The following PRP4K variants were observed in gnomAD, a reference collection of about 807,000 sequenced individuals.
PRP4K encodes pre-mRNA processing factor kinase PRP4K.
At chr6:4,027,478 CT>C in the PRP4K span, among the ~76,000 whole-genome samples, 1 of 151,936 alleles carries the variant, frequency 6.6e-6, no homozygotes, top group Non-Finnish European at 1.5e-5. Context: ...AATCTATGCT[CT>C]TTGATGCTGT....
chr6:4,060,499 A>G, the PRP4K span: 13 of 1,613,916 alleles, frequency 8.1e-6, no homozygotes, highest in Admixed American at 3.3e-5. This position sits in a 1 kb window ranked among gnomAD's most constrained non-coding sequence, Gnocchi z 4.7. Flanking sequence ...CTGAAGACCA[A>G]CGTAAGAAAG....
At chr6:4,037,428 C>G in the PRP4K span, 1 of 1,613,630 alleles carries the variant, frequency 6.2e-7, no homozygotes, top group South Asian at 1.1e-5. Context: ...CCTCAGTAGA[C>G]GTGAAAGATC....
chr6:4,046,384 G>A, the PRP4K span, among the ~76,000 whole-genome samples: 3 of 152,090 alleles, frequency 2.0e-5, no homozygotes, highest in Non-Finnish European at 4.4e-5. Context: ...TAATGTAAGT[G>A]ATAATGAGCA....
At chr6:4,047,900 G>GTA in the PRP4K span, among the ~76,000 whole-genome samples, 12 of 82,678 alleles carry the variant, frequency 1.5e-4, no homozygotes, top group African/African-American at 5.2e-4. Context: ...TCATGTATAT[G>GTA]TACACACACA....
At chr6:4,029,935 TTTCTTTTTTTTTTTTTTTTGG>T in the PRP4K span, among the ~76,000 whole-genome samples, 1 of 150,932 alleles carries the variant, frequency 6.6e-6, no homozygotes, top group African/African-American at 2.4e-5. Context: ...ATCTGTTTTC[TTTCTTTTTTTTTTTTTTTTGG>T]TTTTGAGACT....
At chr6:4,021,622 C>T in the PRP4K span, among the ~76,000 whole-genome samples, 1 of 152,180 alleles carries the variant, frequency 6.6e-6, no homozygotes, top group Non-Finnish European at 1.5e-5. Flanking sequence ...GGGGAGCAGG[C>T]GGCCTTCGAG....
At chr6:4,023,710 C>G in the PRP4K span, among the ~76,000 whole-genome samples, 1 of 152,038 alleles carries the variant, frequency 6.6e-6, no homozygotes, top group East Asian at 1.9e-4. Flanking sequence ...TACATTAATT[C>G]TTTTTGTTCA....
At chr6:4,042,079 T>C in the PRP4K span, among the ~76,000 whole-genome samples, 2 of 152,196 alleles carry the variant, frequency 1.3e-5, no homozygotes, top group Admixed American at 6.5e-5. Flanking sequence ...GAAGTACGGG[T>C]ATAGCTTTCT....
chr6:4,057,230 T>C, the PRP4K span: 1 of 1,579,388 alleles, frequency 6.3e-7, no homozygotes, highest in Non-Finnish European at 8.6e-7. Flanking sequence ...TAGTTTCTTA[T>C]TAACTGACAA....
the PRP4K span, among the ~76,000 whole-genome samples, chr6:4,035,074 T>C: frequency 6.6e-6 from 1 of 151,988 alleles, no homozygotes; most frequent in Non-Finnish European, 1.5e-5. Flanking sequence ...CATCCATTTA[T>C]ATATACATAT....
the PRP4K span, among the ~76,000 whole-genome samples, chr6:4,022,095 T>C: frequency 3.9e-5 from 6 of 151,900 alleles, no homozygotes; most frequent in East Asian, 9.6e-4. Context: ...CGGCAGCTTT[T>C]TTACCAACTT....
At chr6:4,032,553 C>T in the PRP4K span, 2 of 1,613,656 alleles carry the variant, frequency 1.2e-6, no homozygotes, top group Non-Finnish European at 1.7e-6. Flanking sequence ...CAGCAGAAGA[C>T]CTGGTCGTAG....
the PRP4K span, chr6:4,049,044 G>A: frequency 6.2e-7 from 1 of 1,613,128 alleles, no homozygotes. Flanking sequence ...GCTGGCATTG[G>A]AAAAGATTTC....
the PRP4K span, among the ~76,000 whole-genome samples, chr6:4,022,582 C>T: frequency 6.6e-6 from 1 of 152,076 alleles, no homozygotes; most frequent in African/African-American, 2.4e-5. Flanking sequence ...TCTTTGCCAC[C>T]AGACAACCTG....
chr6:4,049,836 A>T, the PRP4K span: 1 of 1,614,180 alleles, frequency 6.2e-7, no homozygotes, highest in Non-Finnish European at 8.5e-7. Context: ...TGCAAGAGCC[A>T]ACCAAGAAGT....
chr6:4,030,359 T>C, the PRP4K span, among the ~76,000 whole-genome samples: 6 of 152,186 alleles, frequency 3.9e-5, no homozygotes, highest in Non-Finnish European at 7.3e-5. Context: ...AGGATAAACT[T>C]ACTAAAAGTA....
At chr6:4,064,570 T>C in the PRP4K span, 3 of 152,360 alleles carry the variant, frequency 2.0e-5, no homozygotes, top group South Asian at 4.1e-4. Flanking sequence ...TCTTTACCAA[T>C]TGGGCTTCAT....
At chr6:4,056,600 G>T in the PRP4K span, 1 of 1,590,056 alleles carries the variant, frequency 6.3e-7, no homozygotes. Context: ...GAAGGTAGTT[G>T]TGACAGGAGT....
At chr6:4,054,968 G>A in the PRP4K span, among the ~76,000 whole-genome samples, 6 of 152,196 alleles carry the variant, frequency 3.9e-5, no homozygotes, top group Non-Finnish European at 7.3e-5. Context: ...TGCTAAACTA[G>A]TATAGGTTTT....
Sources: gnomAD v4.1 joint callset for allele counts (sites outside exome capture counted in the v4.1 genomes callset) on GRCh38, gnomAD v4.1.1 for gene constraint, Gnocchi (gnomAD v3.1) non-coding constraint, MANE v1.5 for transcripts, NCBI Gene and HGNC (gene_info 2026-07-23, HGNC 2026-07-21) for gene names.